The following ITCH variants were observed in gnomAD, a reference collection of about 807,000 sequenced individuals.
ITCH encodes the protein E3 ubiquitin-protein ligase Itchy homolog.
ITCH carries 28 observed loss-of-function variants against 126.8 expected under a neutral mutation model. That is an observed-to-expected ratio of 0.22 (90% CI 0.16 to 0.30). ITCH has a LOEUF of 0.30. Ranked by LOEUF, ITCH falls within the 10% of genes least tolerant of loss-of-function variation. The pLI is 1.00. For synonymous variants in ITCH, 342 were observed against 340.0 expected (o/e 1.01, Z -0.06); for missense variants, 631 against 1,032.4 (o/e 0.61, Z 5.33).
intron 4 of ITCH, among the ~76,000 whole-genome samples, chr20:34,410,056 A>AG (rs1978768589): frequency 3.1e-5 from 1 of 31,792 alleles, no homozygotes; most frequent in Admixed American, 4.9e-4. Context: ...AAAGACAAAC[A>AG]AAAAAAAAAA....
At chr20:34,468,135 C>T (rs1404081244) in intron 14 of ITCH, among the ~76,000 whole-genome samples, 5 of 150,470 alleles carry the variant, frequency 3.3e-5, no homozygotes, top group Non-Finnish European at 7.4e-5. Flanking sequence ...CCCGGGTTCA[C>T]GCCATTCTCT....
intron 7 of ITCH, among the ~76,000 whole-genome samples, chr20:34,437,812 A>G (rs915818717): frequency 6.6e-6 from 1 of 152,228 alleles, no homozygotes; most frequent in Non-Finnish European, 1.5e-5. Flanking sequence ...TATTTAGCCA[A>G]CAGTAGCAGT....
At chr20:34,491,590 G>C (rs963392830) in intron 22 of ITCH, among the ~76,000 whole-genome samples, 3 of 151,282 alleles carry the variant, frequency 2.0e-5, no homozygotes, top group Non-Finnish European at 4.4e-5. Flanking sequence ...AAAAAAATCT[G>C]GTATACATGT....
chr20:34,427,105 AAG>A (rs1231604197), intron 7 of ITCH, among the ~76,000 whole-genome samples: 14 of 152,198 alleles, frequency 9.2e-5, no homozygotes, highest in Admixed American at 5.9e-4. Context: ...TAAAAAGTTA[AAG>A]ACAACTCATC....
rs1220231324 is a variant in ITCH, at chr20:34,369,380, C to A, written c.-98-14C>A. ...TAGAAGTAATGTGTTAATGGACTCT[C>A]CTTCCTTTCTCAGGTACCATGCATT... On this transcript the variant is annotated splice_polypyrimidine_tract_variant and intron_variant, in intron 1 of 24. Coordinates refer to ENST00000374864, the MANE Select transcript of ITCH (RefSeq NM_031483.7). The A allele has an allele frequency of 2.5e-6, 1 of 399,032 alleles. No individual in the cohort carries two copies. The highest frequency in any genetic ancestry group is 4.4e-6 in the Non-Finnish European group (1 of 226,078). 24.7% of individuals were successfully genotyped at this position (399,032 alleles called of 1,614,324 possible).
At chr20:34,406,494 T>C (rs557137456) in intron 3 of ITCH, among the ~76,000 whole-genome samples, 3 of 152,166 alleles carry the variant, frequency 2.0e-5, no homozygotes, top group Admixed American at 2.0e-4. Context: ...CTATGCCTGC[T>C]TAGATATCCA....
At chr20:34,408,148 T>C (rs1050046448) in intron 3 of ITCH, among the ~76,000 whole-genome samples, 4 of 152,180 alleles carry the variant, frequency 2.6e-5, no homozygotes, top group African/African-American at 9.7e-5. Flanking sequence ...CAACCATAGC[T>C]CACTGAAGCC....
intron 23 of ITCH, among the ~76,000 whole-genome samples, chr20:34,499,584 G>C (rs545273078): frequency 1.3e-4 from 20 of 149,324 alleles, no homozygotes; most frequent in African/African-American, 4.9e-4. Context: ...TCTTTTCTTG[G>C]TTAGTTTAGC....
At chr20:34,374,208 G>A (rs1180680910) in intron 2 of ITCH, among the ~76,000 whole-genome samples, 3 of 152,150 alleles carry the variant, frequency 2.0e-5, no homozygotes, top group African/African-American at 7.2e-5. Flanking sequence ...CAAAGAAAGA[G>A]TAGGTTCTAC....
At chr20:34,401,421 G>A (rs1406269512) in intron 3 of ITCH, among the ~76,000 whole-genome samples, 1 of 152,012 alleles carries the variant, frequency 6.6e-6, no homozygotes, top group Non-Finnish European at 1.5e-5. Flanking sequence ...TCAGCAAATG[G>A]CAAGCAAATG....
At chr20:34,416,805 A>G (rs955598363) in intron 6 of ITCH, among the ~76,000 whole-genome samples, 18 of 151,954 alleles carry the variant, frequency 1.2e-4, no homozygotes, top group African/African-American at 4.1e-4. Context: ...TCTCGGTTAT[A>G]ATGTTTTCTT....
intron 6 of ITCH, among the ~76,000 whole-genome samples, chr20:34,417,538 G>A (rs1051443801): frequency 2.0e-5 from 3 of 151,044 alleles, no homozygotes; most frequent in African/African-American, 7.3e-5. Context: ...TAGCTGGGAT[G>A]ACAGGCATGC....
At chr20:34,405,141 C>CAAAA (rs1170286039) in intron 3 of ITCH, among the ~76,000 whole-genome samples, 2 of 58,196 alleles carry the variant, frequency 3.4e-5, no homozygotes, top group African/African-American at 7.4e-5. Flanking sequence ...GACCCTGTCT[C>CAAAA]AAAAAAAAAA....
intron 10 of ITCH, among the ~76,000 whole-genome samples, chr20:34,445,051 G>A (rs1394272928): frequency 2.6e-5 from 4 of 152,196 alleles, no homozygotes; most frequent in African/African-American, 9.7e-5. Context: ...CTTAATGACT[G>A]TTTGAGACTT....
rs1435413067 is a variant in ITCH, at chr20:34,511,091, A to G, written c.*3297A>G. The G allele has an allele frequency of 6.6e-6, 1 of 152,216 alleles. No individual in the cohort carries two copies. Among genetic ancestry groups the G allele is most frequent in the African/African-American group, 2.4e-5 (1 of 41,448 alleles). The allele number at this position is 152,216 out of a possible 1,614,324, so 9.4% of individuals were successfully genotyped here. A position where few individuals can be genotyped will look rare whatever the true frequency, so the allele number is the denominator to read the frequency against. ...ACCTTTCTAAACTCCTTTAGAGTTA[A>G]CGACTTCTATTTAGTATTGTTGGTA... On this transcript the variant is annotated 3_prime_UTR_variant, in exon 25 of 25. Coordinates refer to ENST00000374864, the MANE Select transcript of ITCH (RefSeq NM_031483.7).
intron 13 of ITCH, among the ~76,000 whole-genome samples, chr20:34,461,246 G>A (rs193181305): frequency 4.3e-4 from 65 of 152,266 alleles, no homozygotes; most frequent in African/African-American, 1.5e-3. Context: ...GCCATATGAA[G>A]AACTTTAGAT....
In ITCH at chr20:34,471,405, T is replaced by TA. The variant is rs747404710; in HGVS notation, c.1498-37dup. 7.3e-6 allele frequency: 9 copies of TA among 1,230,436 alleles called. No homozygotes were observed. In the South Asian group the frequency reaches 1.1e-4, roughly 15 times the overall value. The allele number at this position is 1,230,436 out of a possible 1,614,324, so 76.2% of individuals were successfully genotyped here. A position where few individuals can be genotyped will look rare whatever the true frequency, so the allele number is the denominator to read the frequency against. On this transcript the variant is annotated intron_variant, in intron 15 of 24. Transcript: ENST00000374864. ...TTTTGATTTTTTTGATAGGCTATTT[T>TA]AATGATGAGAGTTGACTTAAGTCAT... is the stretch of plus-strand genomic sequence containing the variant.
intron 2 of ITCH, among the ~76,000 whole-genome samples, chr20:34,390,452 T>C (rs2038446518): frequency 7.3e-6 from 1 of 136,692 alleles, no homozygotes; most frequent in Non-Finnish European, 1.5e-5. Context: ...TCTTTTTTTT[T>C]TTTTTTTTTT....
chr20:34,399,963 G>A (rs964284766), intron 3 of ITCH, among the ~76,000 whole-genome samples: 7 of 151,408 alleles, frequency 4.6e-5, no homozygotes, highest in Non-Finnish European at 5.9e-5. Context: ...TTTTTAAGAC[G>A]GAGTCTCGCT....
Sources: gnomAD v4.1 joint callset for allele counts (sites outside exome capture counted in the v4.1 genomes callset) on GRCh38, gnomAD v4.1.1 for gene constraint, MANE v1.5 for transcripts, NCBI Gene and HGNC (gene_info 2026-07-23, HGNC 2026-07-21) for gene names.